SEC24A: variants seen among roughly 807,000 people sequenced by gnomAD.
The protein encoded by SEC24A is protein transport protein Sec24A.
SEC24A carries 93 observed loss-of-function variants against 129.4 expected under a neutral mutation model. The observed-to-expected ratio is 0.72, with a 90% confidence interval of 0.61 to 0.85. The LOEUF is 0.85. Among genes scored for constraint, SEC24A ranks in the 40% least tolerant of loss-of-function variants. The pLI, the probability that SEC24A is intolerant of heterozygous loss-of-function variation, is 0.00. For missense variants in SEC24A, 1,264 were observed against 1,307.4 expected (o/e 0.97, Z 0.51); for synonymous variants, 460 against 467.3 (o/e 0.98, Z 0.20).
chr5:134,711,670 A>G (rs1752329462), intron 18 of SEC24A, among the ~76,000 whole-genome samples: 1 of 146,386 alleles, frequency 6.8e-6, no homozygotes, highest in Non-Finnish European at 1.5e-5. Context: ...AGCTGCGATT[A>G]CAGGTGTTCA....
chr5:134,678,580 A>ATT (rs1245465361), intron 7 of SEC24A, among the ~76,000 whole-genome samples: 20 of 148,270 alleles, frequency 1.3e-4, no homozygotes, highest in African/African-American at 3.0e-4. Flanking sequence ...ATATATATAT[A>ATT]TTTTTTTAAT....
intron 18 of SEC24A, among the ~76,000 whole-genome samples, chr5:134,714,634 T>A (rs1283526251): frequency 2.6e-5 from 4 of 152,234 alleles, no homozygotes; most frequent in Non-Finnish European, 5.9e-5. Flanking sequence ...GTAATGGATA[T>A]CTTTTTGGTC....
intron 15 of SEC24A, among the ~76,000 whole-genome samples, chr5:134,701,527 T>C (rs1752006597): frequency 6.6e-6 from 1 of 151,766 alleles, no homozygotes; most frequent in Non-Finnish European, 1.5e-5. Context: ...TTTTTTTTTT[T>C]TGAGACGGAG....
chr5:134,660,765 C>G (rs1318029800), intron 1 of SEC24A, among the ~76,000 whole-genome samples: 1 of 152,066 alleles, frequency 6.6e-6, no homozygotes, highest in African/African-American at 2.4e-5. Context: ...CCATGTTGCC[C>G]AGGCTGGTCT....
At chr5:134,655,267 T>C (rs1750200854) in intron 1 of SEC24A, among the ~76,000 whole-genome samples, 1 of 152,200 alleles carries the variant, frequency 6.6e-6, no homozygotes, top group South Asian at 2.1e-4. Flanking sequence ...CTGAAGCTGC[T>C]GGTTGGGTGG....
At chr5:134,705,704 A>G (rs142116568) in intron 17 of SEC24A, among the ~76,000 whole-genome samples, 4 of 152,250 alleles carry the variant, frequency 2.6e-5, no homozygotes, top group African/African-American at 9.6e-5. Context: ...GTGTTTTTAC[A>G]GAGTTGTACA....
chr5:134,703,720 G>A (rs759538734), intron 15 of SEC24A, 39 bp from the exon 16 acceptor site: 2 of 1,314,536 alleles, frequency 1.5e-6, no homozygotes, highest in Non-Finnish European at 2.2e-6. Context: ...TCAGTATGTA[G>A]GTATATAAAA....
intron 3 of SEC24A, among the ~76,000 whole-genome samples, chr5:134,667,425 C>T (rs1221059378): frequency 3.3e-5 from 5 of 151,638 alleles, no homozygotes; most frequent in Admixed American, 2.6e-4. Context: ...CTGAGGCAGG[C>T]GGATCACGAG....
intron 1 of SEC24A, 144 bp from the exon 2 acceptor site, chr5:134,660,975 T>A: frequency 1.5e-6 from 1 of 666,126 alleles, no homozygotes; most frequent in Non-Finnish European, 2.6e-6. Context: ...GAAGTATGTT[T>A]GAATGTCTAT....
chr5:134,682,254 A>AT, intron 8 of SEC24A, 119 bp from the exon 9 acceptor site: 1 of 564,942 alleles, frequency 1.8e-6, no homozygotes, highest in South Asian at 2.3e-5. Flanking sequence ...AAAAAAAAAA[A>AT]GAAAATAATT....
intron 17 of SEC24A, among the ~76,000 whole-genome samples, chr5:134,707,430 C>T (rs576988661): frequency 4.1e-4 from 62 of 151,698 alleles, no homozygotes; most frequent in Admixed American, 1.5e-3. Context: ...CCAGGGTTCA[C>T]GCCATTCGCC....
chr5:134,675,330 G>A, intron 6 of SEC24A, 113 bp downstream of exon 6: 1 of 759,278 alleles, frequency 1.3e-6, no homozygotes. Flanking sequence ...TGAAAGTTCT[G>A]GATACAGATG....
At chr5:134,650,922 G>A (rs751478924) in intron 1 of SEC24A, among the ~76,000 whole-genome samples, 1 of 151,562 alleles carries the variant, frequency 6.6e-6, no homozygotes, top group Admixed American at 6.6e-5. Context: ...TTACAGGCAC[G>A]TGTCACCACA....
At position 134,721,015 on chromosome 5, in the gene SEC24A, T is replaced by C. The variant is rs1395221088; in HGVS notation, c.2988T>C (p.Val996=). The C allele has an allele frequency of 6.2e-7, 1 of 1,611,130 alleles. No individual in the cohort carries two copies. Reference sequence around the variant, plus strand: ...GTCCCTAGGTACTGATGCTTTGGGTTGGAAAAAATTGTACACAGAATTTTC... The same window carrying C: ...GTCCCTAGGTACTGATGCTTTGGGTCGGAAAAAATTGTACACAGAATTTTC... ...MDAGSVLMLW[V]GKNCTQNFLS... is the part of the protein sequence containing the mutation. Residue 996 remains valine, a synonymous_variant, in exon 21 of 23, where the codon GTT becomes GTC. Coordinates refer to ENST00000398844, the MANE Select transcript of SEC24A (RefSeq NM_021982.3).
At position 134,649,002 on chromosome 5, in the gene SEC24A, T is replaced by TG; in HGVS notation, c.-75_-74insG. On this transcript the variant is annotated 5_prime_UTR_variant, in exon 1 of 23. Coordinates refer to ENST00000398844, the MANE Select transcript of SEC24A (RefSeq NM_021982.3). Reference sequence around the variant, plus strand: ...TAAGTCGTTAGCCTCCTCCCTCCGCTTTCAGCAGTGGTCTTTCAGCTCTCT... The same window carrying TG: ...TAAGTCGTTAGCCTCCTCCCTCCGCTGTTCAGCAGTGGTCTTTCAGCTCTCT... The TG allele has an allele frequency of 9.1e-7, 1 of 1,096,172 alleles. No homozygotes were observed. The highest frequency in any genetic ancestry group is 1.3e-6 in the Non-Finnish European group (1 of 741,136). The allele number at this position is 1,096,172 out of a possible 1,614,324, so 67.9% of individuals were successfully genotyped here. A position where few individuals can be genotyped will look rare whatever the true frequency, so the allele number is the denominator to read the frequency against.
chr5:134,715,112 T>C lies in SEC24A; in HGVS notation c.2816T>C (p.Met939Thr), dbSNP rs904917076. 2 of 1,610,850 alleles carry C rather than the reference T, an allele frequency of 1.2e-6. No homozygotes were observed. The highest frequency in any genetic ancestry group is 1.7e-6 in the Non-Finnish European group (2 of 1,179,300). The change falls in exon 19 of 23, where the codon ATG becomes ACG. Residue 939 changes from methionine (M) to threonine (T), a missense_variant. Transcript: ENST00000398844. ...QVKNQPLVYL[M>T]LTTHPSLYRV... ...AAAAACCAGCCCTTGGTTTACCTTA[T>C]GCTCACAACTCATCCCAGTTTGTAT...
At chr5:134,656,239 C>T (rs1750238814) in intron 1 of SEC24A, among the ~76,000 whole-genome samples, 1 of 151,776 alleles carries the variant, frequency 6.6e-6, no homozygotes. Flanking sequence ...TGTGCCACCA[C>T]ACCCGGCAAA....
intron 20 of SEC24A, 49 bp from the exon 21 acceptor site, chr5:134,720,949 T>C: frequency 1.0e-6 from 1 of 993,912 alleles, no homozygotes; most frequent in Non-Finnish European, 1.6e-6. Flanking sequence ...CTCAACAGAC[T>C]CACCTTTATG....
intron 9 of SEC24A, among the ~76,000 whole-genome samples, chr5:134,683,349 T>G (rs1215784575): frequency 3.3e-5 from 5 of 151,372 alleles, no homozygotes; most frequent in East Asian, 1.9e-4. Flanking sequence ...TTACAGTCAG[T>G]TTTTTTTTCC....
Sources: allele counts gnomAD v4.1 joint callset (sites outside exome capture counted in the v4.1 genomes callset), GRCh38; gene constraint gnomAD v4.1.1; transcripts MANE v1.5; gene names NCBI Gene and HGNC (gene_info 2026-07-23, HGNC 2026-07-21).